FAM153A: variants seen among roughly 807,000 people sequenced by gnomAD.
FAM153A encodes the protein protein FAM153A.
A neutral mutation model predicts 48.1 loss-of-function variants in FAM153A; 12 were observed. The ratio of observed to expected loss-of-function variants is 0.25; its 90% CI spans 0.16 to 0.40. The LOEUF (loss-of-function observed/expected upper bound fraction) is 0.40. Among genes scored for constraint, FAM153A ranks in the 10% least tolerant of loss-of-function variants. The probability of loss-of-function intolerance (pLI) is 1.00; values close to 1 mark genes in which losing one functional copy is unlikely to be tolerated. For synonymous variants in FAM153A, 36 were observed against 118.2 expected, an observed-to-expected ratio of 0.30 and a Z score of 4.51; for missense variants, 111 against 345.8, an observed-to-expected ratio of 0.32 and a Z score of 5.38.
upstream of FAM153A, among the ~76,000 whole-genome samples, chr5:177,754,415 G>A (rs898711309): frequency 2.0e-5 from 3 of 151,742 alleles, no homozygotes; most frequent in Non-Finnish European, 2.9e-5. Flanking sequence ...TGGGGGCAGG[G>A]CATAGCCAAA....
chr5:177,759,160 T>C (rs1171988076), intron 1 of FAM153A, among the ~76,000 whole-genome samples: 1 of 151,858 alleles, frequency 6.6e-6, no homozygotes, highest in Non-Finnish European at 1.5e-5. Flanking sequence ...GGGCAAAGGA[T>C]ACGAAGAGAC....
Sources: gnomAD v4.1 joint callset for allele counts (sites outside exome capture counted in the v4.1 genomes callset) on GRCh38, gnomAD v4.1.1 for gene constraint, MANE v1.5 for transcripts, NCBI Gene and HGNC (gene_info 2026-07-23, HGNC 2026-07-21) for gene names.